DLGAP1: variants seen among roughly 807,000 people sequenced by gnomAD.
DLGAP1 encodes disks large-associated protein 1.
In DLGAP1, 11 loss-of-function variants were observed where a neutral mutation model predicts 90.8. That is an observed-to-expected ratio of 0.12 (90% CI 0.08 to 0.20). DLGAP1 has a LOEUF of 0.20. DLGAP1 is among the 10% of genes least tolerant of loss of function. The pLI is 1.00. For missense variants in DLGAP1, 1,050 were observed against 1,333.8 expected (o/e 0.79, Z 3.31); for synonymous variants, 558 against 540.7 (o/e 1.03, Z -0.44).
intron 2 of DLGAP1, among the ~76,000 whole-genome samples, chr18:4,092,915 G>C (rs1274682691): frequency 1.3e-5 from 2 of 152,176 alleles, no homozygotes; most frequent in Non-Finnish European, 2.9e-5. Context: ...TTTGTTAAAA[G>C]GTTTAGCTGA....
At chr18:4,198,876 A>G (rs2077553773) in intron 1 of DLGAP1, among the ~76,000 whole-genome samples, 1 of 152,342 alleles carries the variant, frequency 6.6e-6, no homozygotes, top group East Asian at 1.9e-4. Context: ...ATTAACTTGC[A>G]TTGCAGTGGG....
intron 1 of DLGAP1, among the ~76,000 whole-genome samples, chr18:4,279,732 T>C (rs1201384178): frequency 6.6e-6 from 1 of 152,342 alleles, no homozygotes; most frequent in East Asian, 1.9e-4. Flanking sequence ...TAAACTCTTT[T>C]ATATCAAATT....
chr18:3,618,754 C>A (rs12957917), intron 7 of DLGAP1, among the ~76,000 whole-genome samples: 2 of 125,758 alleles, frequency 1.6e-5, no homozygotes, highest in Admixed American at 8.2e-5. Flanking sequence ...CTGGCTAACA[C>A]GGTGAAACCC....
intron 5 of DLGAP1, among the ~76,000 whole-genome samples, chr18:3,792,372 C>T (rs955515126): frequency 6.6e-6 from 1 of 151,986 alleles, no homozygotes. Flanking sequence ...ATCCCACCTA[C>T]TTGGGAGGCT....
chr18:4,228,468 C>A (rs762639443), intron 1 of DLGAP1, among the ~76,000 whole-genome samples: 1 of 151,926 alleles, frequency 6.6e-6, no homozygotes, highest in African/African-American at 2.4e-5. Context: ...CTGAATCCAA[C>A]AACACATTAA....
At position 3,800,207 on chromosome 18, in the gene DLGAP1, A is replaced by T. The variant is rs550382149; in HGVS notation, c.1172+13852T>A. ...GCTTCATTTTCATTTTCTTTAAGTG[A>T]TTAAGTGCTTTGAGATGCCAAGCCT... On this transcript the variant is annotated intron_variant, in intron 5 of 12. Transcript: ENST00000315677. Among the ~76,000 whole-genome samples the T allele has an allele frequency of 3.3e-4, 50 of 152,280 alleles. No individual in the cohort carries two copies. In the South Asian group the frequency reaches 0.01, roughly 31 times the overall value.
chr18:3,885,123 C>A (rs1250561270), intron 3 of DLGAP1, among the ~76,000 whole-genome samples: 5 of 152,188 alleles, frequency 3.3e-5, no homozygotes, highest in Admixed American at 3.3e-4. Context: ...GCTGGTGGCA[C>A]CTACTATGGA....
At chr18:3,786,276 T>C (rs1194344021) in intron 5 of DLGAP1, among the ~76,000 whole-genome samples, 1 of 152,158 alleles carries the variant, frequency 6.6e-6, no homozygotes, top group African/African-American at 2.4e-5. Context: ...GGTCAAAGGC[T>C]GAGATAATTC....
intron 2 of DLGAP1, among the ~76,000 whole-genome samples, chr18:4,097,072 T>TGCA (rs2075693751): frequency 6.6e-6 from 1 of 152,262 alleles, no homozygotes; most frequent in African/African-American, 2.4e-5. Flanking sequence ...TTAATCTTTC[T>TGCA]GCAGCACAGA....
At chr18:3,520,712 T>G (rs765478651) in intron 10 of DLGAP1, among the ~76,000 whole-genome samples, 1 of 152,172 alleles carries the variant, frequency 6.6e-6, no homozygotes, top group Non-Finnish European at 1.5e-5. Context: ...GAAAATTAAT[T>G]TCTCCTGTTT....
intron 3 of DLGAP1, among the ~76,000 whole-genome samples, chr18:3,911,552 A>G (rs1442720372): frequency 1.3e-5 from 2 of 152,236 alleles, no homozygotes; most frequent in Admixed American, 6.5e-5. Context: ...CAAGTTGTTC[A>G]GTGACTAGAA....
In DLGAP1 at chr18:4,157,510, T is replaced by A. The variant is rs375143677; in HGVS notation, c.-266-6223A>T. ...TGGTTCCTCATTTGTGTATAAGAGA[T>A]TTCAAGGCAGGCTGGATTCATGGGT... On this transcript the variant is annotated intron_variant, in intron 1 of 12. Coordinates refer to ENST00000315677, the MANE Select transcript of DLGAP1 (RefSeq NM_004746.4). Among the ~76,000 whole-genome samples, 31 of 152,296 alleles carry A rather than the reference T, an allele frequency of 2.0e-4. No homozygotes were observed. The South Asian group carries it at 5.6e-3, about 27-fold the overall frequency.
intron 7 of DLGAP1, among the ~76,000 whole-genome samples, chr18:3,618,834 G>C (rs1226991849): frequency 6.6e-6 from 1 of 150,384 alleles, no homozygotes; most frequent in Admixed American, 6.6e-5. Context: ...AGCTACTCGG[G>C]ATGCTGAGGC....
intron 6 of DLGAP1, among the ~76,000 whole-genome samples, chr18:3,734,133 G>T (rs531806585): frequency 6.6e-6 from 1 of 152,124 alleles, no homozygotes; most frequent in East Asian, 1.9e-4. Flanking sequence ...TACTTGTTCT[G>T]TTCCTTTGAT....
chr18:4,127,324 A>C (rs757947332), intron 2 of DLGAP1, among the ~76,000 whole-genome samples: 11 of 152,210 alleles, frequency 7.2e-5, no homozygotes, highest in Non-Finnish European at 1.2e-4. Context: ...AGGGGAAAAA[A>C]CATGATTTAG....
At chr18:4,160,890 T>C (rs1486958707) in intron 1 of DLGAP1, among the ~76,000 whole-genome samples, 1 of 152,152 alleles carries the variant, frequency 6.6e-6, no homozygotes, top group Non-Finnish European at 1.5e-5. Flanking sequence ...ATTCTACAGA[T>C]ACCAAAATTG....
At chr18:3,957,044 G>A (rs536200813) in intron 3 of DLGAP1, among the ~76,000 whole-genome samples, 1 of 152,268 alleles carries the variant, frequency 6.6e-6, no homozygotes, top group South Asian at 2.1e-4. Context: ...TAATCCCCAG[G>A]ACCTGTGAAT....
Position 4,324,110 on chromosome 18 carries a change from A to T in DLGAP1, c.-267+130896T>A, listed in dbSNP as rs530672148. On this transcript the variant is annotated intron_variant, in intron 1 of 12. Coordinates refer to ENST00000315677, the MANE Select transcript of DLGAP1 (RefSeq NM_004746.4). The stretch of plus-strand genomic sequence containing the variant: ...GTTCTTTGAAAAAAATTAGTAAGAT[A>T]GACCACTAACTACACATATAAAGAA... Among the ~76,000 whole-genome samples the T allele has an allele frequency of 2.6e-5, 4 of 152,134 alleles. No homozygotes were observed. The South Asian group carries it at 8.3e-4, about 32-fold the overall frequency.
At chr18:3,699,731 C>T (rs2061216206) in intron 7 of DLGAP1, among the ~76,000 whole-genome samples, 1 of 152,220 alleles carries the variant, frequency 6.6e-6, no homozygotes, top group Non-Finnish European at 1.5e-5. Flanking sequence ...CTGAAGCTGT[C>T]TCCATAGCTG....
Sources: allele counts gnomAD v4.1 joint callset (sites outside exome capture counted in the v4.1 genomes callset), GRCh38; gene constraint gnomAD v4.1.1; transcripts MANE v1.5; gene names NCBI Gene and HGNC (gene_info 2026-07-23, HGNC 2026-07-21).